CRYM: variants seen among roughly 807,000 people sequenced by gnomAD.
The protein encoded by CRYM is ketimine reductase mu-crystallin.
A neutral mutation model predicts 32.9 loss-of-function variants in CRYM; 18 were observed. The observed-to-expected ratio is 0.55, with a 90% CI of 0.38 to 0.81. CRYM has a LOEUF of 0.81. Among genes scored for constraint, CRYM ranks in the 30% least tolerant of loss-of-function variants. The probability of loss-of-function intolerance (pLI) is 0.00; values close to 1 mark genes in which losing one functional copy is unlikely to be tolerated. For synonymous variants in CRYM, 153 were observed against 152.4 expected (o/e 1.00, Z -0.03); for missense variants, 337 against 393.5 (o/e 0.86, Z 1.21).
chr16:21,260,135 C>T (rs751498814), intron 7 of CRYM, among the ~76,000 whole-genome samples: 5 of 152,104 alleles, frequency 3.3e-5, no homozygotes, highest in Admixed American at 2.6e-4. Context: ...GTGGCCAGAG[C>T]GCTCCTGATG....
At chr16:21,270,722 C>T (rs1567233656) in intron 3 of CRYM, among the ~76,000 whole-genome samples, 1 of 152,198 alleles carries the variant, frequency 6.6e-6, no homozygotes, top group Non-Finnish European at 1.5e-5. Context: ...CTTCTAAGAG[C>T]TGCCTGGATT....
chr16:21,290,307 C>T (rs369379434), intron 1 of CRYM, among the ~76,000 whole-genome samples: 28 of 152,294 alleles, frequency 1.8e-4, no homozygotes, highest in African/African-American at 5.8e-4. Context: ...AGACCACGAA[C>T]CCACCGGGAG....
chr16:21,269,764 T>TCCCCCC, intron 4 of CRYM, 26 bp downstream of exon 4: 3 of 971,978 alleles, frequency 3.1e-6, no homozygotes, highest in Non-Finnish European at 3.3e-6. Context: ...TTCCCTCTTC[T>TCCCCCC]CTCCCACCCC....
chr16:21,285,231 T>C (rs2093405508), intron 1 of CRYM, among the ~76,000 whole-genome samples: 1 of 152,214 alleles, frequency 6.6e-6, no homozygotes, highest in Non-Finnish European at 1.5e-5. Flanking sequence ...GCCTGATTAT[T>C]TACATAAAAC....
Position 21,261,321 on chromosome 16 carries a change from C to A in CRYM, c.813G>T (p.Glu271Asp), listed in dbSNP as rs752645406. ...VLLSGAEIFA[E>D]LGEVIKGVKP... ...TCACTCCCTTAATCACTTCTCCCAGCTCAGCAAAGATCTCGGCCTAGGAAA... is the reference window on the plus strand; with the variant it reads ...TCACTCCCTTAATCACTTCTCCCAGATCAGCAAAGATCTCGGCCTAGGAAA... Residue 271 changes from glutamate to aspartate, a missense_variant, in exon 7 of 8, where the codon GAG becomes GAT. Transcript: ENST00000572914. 3.7e-6 allele frequency: 6 copies of A among 1,613,906 alleles called. No homozygotes were observed. The highest frequency in any genetic ancestry group is 1.7e-5 in the Admixed American group (1 of 59,980).
At chr16:21,278,055 C>T in intron 1 of CRYM, 27 bp downstream of exon 1, 1 of 1,534,876 alleles carries the variant, frequency 6.5e-7, no homozygotes, top group South Asian at 1.2e-5. Flanking sequence ...GTTTCTCCTG[C>T]CCCTGACCCC....
At chr16:21,272,250 A>C (rs373704657) in intron 3 of CRYM, among the ~76,000 whole-genome samples, 3 of 152,246 alleles carry the variant, frequency 2.0e-5, no homozygotes, top group Admixed American at 1.3e-4. Context: ...TATTAAGTAC[A>C]CGTATATGAA....
intron 1 of CRYM, among the ~76,000 whole-genome samples, chr16:21,286,857 A>C (rs1052946508): frequency 1.3e-5 from 2 of 152,050 alleles, no homozygotes; most frequent in African/African-American, 4.8e-5. Context: ...TTGGGAGGCC[A>C]AGGCGGGTGG....
chr16:21,295,605 TA>T (rs1459887006), intron 1 of CRYM, among the ~76,000 whole-genome samples: 1 of 152,196 alleles, frequency 6.6e-6, no homozygotes, highest in Non-Finnish European at 1.5e-5. Flanking sequence ...TTAACTATAG[TA>T]ATACAATGGT....
At chr16:21,269,918 G>A (rs1597617441) in intron 3 of CRYM, 27 bp from the exon 4 acceptor site, 1 of 1,518,552 alleles carries the variant, frequency 6.6e-7, no homozygotes, top group Non-Finnish European at 9.1e-7. Context: ...AAGTGGCAAA[G>A]GTCAAGGGAG....
At chr16:21,290,908 A>G (rs961411821) in intron 1 of CRYM, among the ~76,000 whole-genome samples, 3 of 152,306 alleles carry the variant, frequency 2.0e-5, no homozygotes, top group Middle Eastern at 3.4e-3. Context: ...AATAATCAGC[A>G]TTGGTTTCTT....
rs2075522 is a variant in CRYM, at chr16:21,261,771, C to T, written c.795+266G>A. ...CCAGGCTGCAAGAAGCTTCCAATCC[C>T]ACTTCTTTAGAGGACAGCCCAGCAA... On this transcript the variant is annotated intron_variant, in intron 6 of 7. Transcript: ENST00000572914. The T allele has an allele frequency of 0.015, 7,536 of 494,844 alleles. 324 individuals are homozygous for T. The highest frequency in any genetic ancestry group is 0.11 in the East Asian group (2,768 of 26,118). The allele number at this position is 494,844 out of a possible 1,614,324, so 30.7% of individuals were successfully genotyped here. A position where few individuals can be genotyped will look rare whatever the true frequency, so the allele number is the denominator to read the frequency against.
At chr16:21,269,093 G>A (rs554028713) in intron 4 of CRYM, among the ~76,000 whole-genome samples, 4 of 145,522 alleles carry the variant, frequency 2.7e-5, no homozygotes, top group Admixed American at 7.2e-5. Flanking sequence ...GCAGTGAGCC[G>A]AGATTATGCC....
At chr16:21,266,327 T>C in intron 5 of CRYM, among the ~76,000 whole-genome samples, 1 of 152,354 alleles carries the variant, frequency 6.6e-6, no homozygotes, top group East Asian at 1.9e-4. Context: ...ATGATAATAG[T>C]TCCTGCCTCA....
At chr16:21,295,201 G>A (rs1960762927) in intron 1 of CRYM, among the ~76,000 whole-genome samples, 1 of 152,170 alleles carries the variant, frequency 6.6e-6, no homozygotes, top group African/African-American at 2.4e-5. Flanking sequence ...AGATAGCAGG[G>A]TCAAATGGCA....
chr16:21,298,716 G>T (rs542892861), intron 1 of CRYM, among the ~76,000 whole-genome samples: 6 of 152,334 alleles, frequency 3.9e-5, no homozygotes, highest in Non-Finnish European at 7.3e-5. Context: ...CCATGGGAAT[G>T]TATGGGTTAT....
At chr16:21,281,851 T>G (rs565301140), upstream of CRYM, among the ~76,000 whole-genome samples, 4 of 152,230 alleles carry the variant, frequency 2.6e-5, no homozygotes, top group Admixed American at 2.0e-4. Flanking sequence ...TCAGGACCAC[T>G]TTCATGAATA....
At chr16:21,284,247 C>T (rs1344325949) in intron 1 of CRYM, 3 of 151,932 alleles carry the variant, frequency 2.0e-5, no homozygotes, top group Non-Finnish European at 4.4e-5. Flanking sequence ...ACCTACGCGT[C>T]TCATCAGTAA....
At chr16:21,284,735 A>G (rs906977172) in intron 1 of CRYM, among the ~76,000 whole-genome samples, 1 of 152,236 alleles carries the variant, frequency 6.6e-6, no homozygotes, top group Non-Finnish European at 1.5e-5. Flanking sequence ...TGATGCTGCA[A>G]TGAACATACA....
Sources: gnomAD v4.1 joint callset for allele counts (sites outside exome capture counted in the v4.1 genomes callset) on GRCh38, gnomAD v4.1.1 for gene constraint, MANE v1.5 for transcripts, NCBI Gene and HGNC (gene_info 2026-07-23, HGNC 2026-07-21) for gene names.